Variants in TOP1MT observed in about 807,000 individuals in gnomAD.
The protein encoded by TOP1MT is DNA topoisomerase I, mitochondrial.
Under a neutral mutation model 73.9 loss-of-function variants are expected in TOP1MT, and 80 were observed. The observed-to-expected ratio is 1.08, with a 90% CI of 0.90 to 1.30. The LOEUF is 1.30. TOP1MT is among the 50% of genes most tolerant of loss of function. The probability of loss-of-function intolerance (pLI) is 0.00; values close to 1 mark genes in which losing one functional copy is unlikely to be tolerated. For synonymous variants in TOP1MT, 338 were observed against 326.4 expected, an observed-to-expected ratio of 1.04 and a Z score of -0.38; for missense variants, 815 against 808.0, an observed-to-expected ratio of 1.01 and a Z score of -0.10.
chr8:143,314,923 G>A (rs1376226568), intron 12 of TOP1MT, among the ~76,000 whole-genome samples: 1 of 152,174 alleles, frequency 6.6e-6, no homozygotes, highest in Non-Finnish European at 1.5e-5. Flanking sequence ...ACATAGTGAG[G>A]AGTAACCAGA....
At chr8:143,321,650 G>GCACGCCACACACAC (rs1816381761) in intron 7 of TOP1MT, among the ~76,000 whole-genome samples, 1 of 41,778 alleles carries the variant, frequency 2.4e-5, no homozygotes, top group Non-Finnish European at 4.2e-5. Context: ...GCCACACACA[G>GCACGCCACACACAC]GCACGCCACA....
rs536375174 is a variant in TOP1MT at position 143,317,206 on chromosome 8, C to T, written c.1330+517G>A. The stretch of plus-strand genomic sequence containing the variant: ...ACATCACAGAGCAGCCCGGACATCA[C>T]GGAGCAGGGGCAGCGCCAGGGACAG... On this transcript the variant is annotated intron_variant, in intron 10 of 13. Coordinates refer to ENST00000329245, the MANE Select transcript of TOP1MT (RefSeq NM_052963.3). Among the ~76,000 whole-genome samples the T allele has an allele frequency of 7.9e-5, 12 of 152,312 alleles. No individual in the cohort carries two copies. In the East Asian group the frequency reaches 1.9e-3, roughly 24 times the overall value.
upstream of TOP1MT, chr8:143,345,108 TG>T (rs1817197205): frequency 6.6e-6 from 1 of 152,400 alleles, no homozygotes; most frequent in African/African-American, 2.4e-5. Context: ...TGGCTCCACC[TG>T]GGCCAGCACA....
rs1309600371 is a variant in TOP1MT, at chr8:143,322,879, AACACACGCACGCCACACGCACGCC to A, written c.960+1096_960+1119del. On this transcript the variant is annotated intron_variant, in intron 7 of 13. Transcript: ENST00000329245. ...ACACACACGCACGCCACACGCACGCAACACACGCACGCCACACGCACGCCACACACGCACGCCACACACGCACGC... is the reference window on the plus strand; with the variant it reads ...ACACACACGCACGCCACACGCACGCAACACACGCACGCCACACACGCACGC... 1.3e-3 allele frequency among the ~76,000 whole-genome samples: 36 copies of A among 28,058 alleles called. No homozygotes were observed. The African/African-American group carries it at 0.015, about 12-fold the overall frequency. 18.4% of individuals were successfully genotyped at this position (28,058 alleles called of 152,430 possible). A position where few individuals can be genotyped will look rare whatever the true frequency, so the allele number is the denominator to read the frequency against.
rs1161987813 is a variant in TOP1MT at position 143,321,389 on chromosome 8, A to G, written c.961-3T>C. ...TCATTTCCTGCTCTCAGTGCCAGCT[A>G]GTTGGTGGGGAATGGTCAAAGTGGG... On this transcript the variant is annotated splice_polypyrimidine_tract_variant and splice_region_variant and intron_variant, in intron 7 of 13. Coordinates refer to ENST00000329245, the MANE Select transcript of TOP1MT (RefSeq NM_052963.3). 6.3e-7 allele frequency: 1 copy of G among 1,576,650 alleles called. No individual in the cohort carries two copies. Among genetic ancestry groups the G allele is most frequent in the African/African-American group, 1.4e-5 (1 of 73,692 alleles).
At position 143,344,754 on chromosome 8, in the gene TOP1MT, A is replaced by G. The variant is rs553852167; in HGVS notation, c.-39+162T>C. On this transcript the variant is annotated intron_variant, in intron 1 of 5. Transcript: ENST00000518007. The surrounding 1 kb of genome is among the most constrained non-coding windows in gnomAD (Gnocchi z 4.6). ...CTGTCCTGTCAACAAGCCAGGCTCC[A>G]TGTTGTCCGTAAGTCCAGGGCCCAG... 6.6e-6 allele frequency: 1 copy of G among 152,462 alleles called. No individual in the cohort carries two copies. The highest frequency in any genetic ancestry group is 1.5e-5 in the Non-Finnish European group (1 of 68,176). 9.4% of individuals were successfully genotyped at this position (152,462 alleles called of 1,614,324 possible).
upstream of TOP1MT, among the ~76,000 whole-genome samples, chr8:143,337,032 T>C (rs1293760015): frequency 6.6e-6 from 1 of 152,168 alleles, no homozygotes; most frequent in African/African-American, 2.4e-5. Context: ...AGTATCAAGC[T>C]TATACTCTGA....
intron 1 of TOP1MT, chr8:143,355,892 C>T (rs1817399551): frequency 6.6e-6 from 1 of 152,296 alleles, no homozygotes; most frequent in Non-Finnish European, 1.5e-5. Context: ...ACCCTGTGCC[C>T]TCGCTCCCCC....
upstream of TOP1MT, among the ~76,000 whole-genome samples, chr8:143,349,109 A>G (rs1025472358): frequency 2.0e-5 from 3 of 152,180 alleles, no homozygotes; most frequent in Admixed American, 1.3e-4. Flanking sequence ...TACCCACCAG[A>G]GACCAACAGG....
At chr8:143,347,696 C>G (rs140741611), upstream of TOP1MT, among the ~76,000 whole-genome samples, 10 of 32,926 alleles carry the variant, frequency 3.0e-4, no homozygotes, top group Non-Finnish European at 5.0e-4. Flanking sequence ...AGGCAGCCAG[C>G]CAGCCAGCCA....
At chr8:143,327,844 A>T (rs1296480381) in intron 3 of TOP1MT, 1 of 370,394 alleles carries the variant, frequency 2.7e-6, no homozygotes, top group Non-Finnish European at 5.3e-6. Context: ...GGGCAGTCAG[A>T]CACCCACATG....
rs1011650799 is a variant in TOP1MT, at chr8:143,334,821, G to C, written c.41C>G (p.Thr14Arg). The C allele has an allele frequency of 1.3e-6, 2 of 1,547,826 alleles. No individual in the cohort carries two copies. The highest frequency in any genetic ancestry group is 3.7e-5 in the Admixed American group (2 of 53,652). ...GCGGCGGGGGACCTCCCCGAGCAGC[G>C]TCAGAGCCGCCCGGAGCCGCAGCAG... ...VRLLRLRAALTLLGEVPRRPA... is the reference protein window; with the variant it reads ...VRLLRLRAALRLLGEVPRRPA... Residue 14 changes from threonine to arginine, a missense_variant, in exon 1 of 14, where the codon ACG becomes AGG. Thr to Arg is a moderately conservative substitution (Grantham distance 71). Transcript: ENST00000329245.
At chr8:143,320,049 A>G (rs1586754688) in intron 8 of TOP1MT, among the ~76,000 whole-genome samples, 1 of 151,808 alleles carries the variant, frequency 6.6e-6, no homozygotes, top group East Asian at 2.0e-4. Flanking sequence ...GCTTGAACCC[A>G]GGAGGCGGAG....
upstream of TOP1MT, among the ~76,000 whole-genome samples, chr8:143,336,941 C>T (rs143339279): frequency 9.5e-3 from 1,452 of 152,158 alleles, 21 homozygotes; most frequent in African/African-American, 0.032. Flanking sequence ...AGTAGCCATA[C>T]GCAAACTGAA....
At chr8:143,315,653 C>T (rs1323825477) in intron 12 of TOP1MT, 74 bp downstream of exon 12, 12 of 1,179,872 alleles carry the variant, frequency 1.0e-5, no homozygotes, top group African/African-American at 7.6e-5. Context: ...CGTCTCCCAC[C>T]GACCCTGTGG....
rs1258877322 is a variant in TOP1MT, at chr8:143,342,754, TTATTAGAGACAGAGTCTTGCTC to T, written c.29+444_29+465del. Reference sequence around the variant, plus strand: ...GAGACAGAGTCTCGCTCTGTTATTATTATTAGAGACAGAGTCTTGCTCTATTATTATTATTATTATTATTATT... The same window carrying T: ...GAGACAGAGTCTCGCTCTGTTATTATTATTATTATTATTATTATTATTATT... On this transcript the variant is annotated intron_variant, in intron 2 of 5. Transcript: ENST00000518007. 1.2e-3 allele frequency among the ~76,000 whole-genome samples: 141 copies of T among 117,298 alleles called. 1 individual carries two copies. Among genetic ancestry groups the T allele is most frequent in the Middle Eastern group, 9.1e-3 (2 of 220 alleles). The allele number at this position is 117,298 out of a possible 152,430, so 77.0% of individuals were successfully genotyped here. A position where few individuals can be genotyped will look rare whatever the true frequency, so the allele number is the denominator to read the frequency against.
chr8:143,309,463 G>A lies in TOP1MT; in HGVS notation c.1784C>T (p.Ala595Val), dbSNP rs753142253. Reference protein sequence around the residue: ...RERFAWALAMAGEDFEF With the variant: ...RERFAWALAMVGEDFEF ...TCGTTAGAATTCAAAGTCTTCTCCT[G>A]CCATGGCGAGAGCCCAGGCGAACCT... Residue 595 changes from alanine (A) to valine (V), a missense_variant, in exon 14 of 14, where the codon GCA (alanine) becomes GTA (valine). Physicochemically the swap from Ala to Val is moderately conservative, Grantham distance 64. Around this residue, in one of 3 missense-constraint regions of TOP1MT, gnomAD observed 751 missense variants for 725.4 expected, o/e 1.04. Coordinates refer to ENST00000329245, the MANE Select transcript of TOP1MT (RefSeq NM_052963.3). The A allele has an allele frequency of 1.2e-6, 2 of 1,613,670 alleles. No homozygotes were observed. Among genetic ancestry groups the A allele is most frequent in the Non-Finnish European group, 8.5e-7 (1 of 1,180,028 alleles).
upstream of TOP1MT, among the ~76,000 whole-genome samples, chr8:143,338,343 G>A (rs1050309882): frequency 2.0e-5 from 3 of 152,084 alleles, no homozygotes; most frequent in African/African-American, 2.4e-5. Flanking sequence ...CAAGGCGGGC[G>A]GATCACCTGA....
Position 143,322,732 on chromosome 8 carries a change from A to ACG in TOP1MT, c.960+1266_960+1267insCG, listed in dbSNP as rs1816516306. On this transcript the variant is annotated intron_variant, in intron 7 of 13. Transcript: ENST00000329245. Reference sequence around the variant, plus strand: ...CACGCACGCCACACACAGGCACGCCACACACGCCACACACGCACGCACGCC... The same window carrying ACG: ...CACGCACGCCACACACAGGCACGCCACGCACACGCCACACACGCACGCACGCC... Among the ~76,000 whole-genome samples, 17 of 24,982 alleles carry ACG rather than the reference A, an allele frequency of 6.8e-4. 2 individuals carry two copies. The highest frequency in any genetic ancestry group is 8.3e-4 in the Non-Finnish European group (13 of 15,674). The allele number at this position is 24,982 out of a possible 152,430, so 16.4% of individuals were successfully genotyped here. A position where few individuals can be genotyped will look rare whatever the true frequency, so the allele number is the denominator to read the frequency against.
Sources: allele counts gnomAD v4.1 joint callset (sites outside exome capture counted in the v4.1 genomes callset), GRCh38; gene constraint gnomAD v4.1.1; regional missense constraint gnomAD v4.1.1; non-coding constraint Gnocchi (gnomAD v3.1); transcripts MANE v1.5; gene names NCBI Gene and HGNC (gene_info 2026-07-23, HGNC 2026-07-21).